Variants in SLC25A34 observed in about 807,000 individuals in gnomAD.
SLC25A34 encodes solute carrier family 25, member 34.
SLC25A34 carries 26 observed loss-of-function variants against 28.1 expected under a neutral mutation model. The observed-to-expected ratio is 0.93, with a 90% CI of 0.68 to 1.28. The LOEUF is 1.28. Among genes scored for constraint, SLC25A34 ranks in the 50% most tolerant of loss-of-function variants. The probability of loss-of-function intolerance (pLI) is 0.00; values close to 1 mark genes in which losing one functional copy is unlikely to be tolerated. For missense variants in SLC25A34, 384 were observed against 409.8 expected (o/e 0.94, Z 0.54); for synonymous variants, 182 against 182.2 (o/e 1.00, Z 0.01).
Position 15,736,709 on chromosome 1 carries a change from C to G in SLC25A34, c.224C>G (p.Ala75Gly). 1.2e-6 allele frequency: 2 copies of G among 1,609,416 alleles called. No individual in the cohort carries two copies. The highest frequency in any genetic ancestry group is 8.5e-7 in the Non-Finnish European group (1 of 1,179,132). The change falls in exon 1 of 5, where the codon GCC becomes GGC. Residue 75 changes from alanine (A) to glycine (G), a missense_variant. Ala to Gly is a moderately conservative substitution (Grantham distance 60). Coordinates refer to ENST00000294454, the MANE Select transcript of SLC25A34 (RefSeq NM_207348.3). ...GLWGLQKGLA[A>G]GLLYQGLMNG... ...TGGGGCCTGCAGAAGGGGCTGGCTGCCGGCCTTCTGTACCAAGGCCTCATG... is the reference window on the plus strand; with the variant it reads ...TGGGGCCTGCAGAAGGGGCTGGCTGGCGGCCTTCTGTACCAAGGCCTCATG...
rs563425404 is a variant in SLC25A34 at position 15,740,184 on chromosome 1, G to A, written c.*778G>A. ...TGCTTTCTCTCTGTGTCTGCACATG[G>A]TGGTCCCTCGATGTGCGTCTGGGTC... On this transcript the variant is annotated 3_prime_UTR_variant, in exon 5 of 5. Transcript: ENST00000294454. The A allele has an allele frequency of 2.6e-5, 4 of 152,246 alleles. No homozygotes were observed. In the East Asian group the frequency reaches 5.8e-4, roughly 22 times the overall value. The allele number at this position is 152,246 out of a possible 1,614,324, so 9.4% of individuals were successfully genotyped here. A position where few individuals can be genotyped will look rare whatever the true frequency, so the allele number is the denominator to read the frequency against.
At chr1:15,737,551 C>T (rs2068236073) in intron 1 of SLC25A34, among the ~76,000 whole-genome samples, 2 of 145,128 alleles carry the variant, frequency 1.4e-5, no homozygotes, top group East Asian at 2.0e-4. Flanking sequence ...GCCTGGGCAA[C>T]ACAGCAAGAC....
chr1:15,738,779 C>T (rs765105085), intron 4 of SLC25A34, 51 bp downstream of exon 4: 98 of 1,456,240 alleles, frequency 6.7e-5, no homozygotes, highest in Non-Finnish European at 8.5e-5. Flanking sequence ...GAGCACCCCC[C>T]CAACACACAC....
chr1:15,737,690 GAC>G (rs2068238243), intron 1 of SLC25A34: 1 of 557,214 alleles, frequency 1.8e-6, no homozygotes, highest in African/African-American at 1.9e-5. Context: ...TTCCAACCGT[GAC>G]AGAATTGAGG....
Position 15,736,603 on chromosome 1 carries a change from C to A in SLC25A34, c.118C>A (p.Leu40Met). 6.5e-7 allele frequency: 1 copy of A among 1,549,532 alleles called. No individual in the cohort carries two copies. Among genetic ancestry groups the A allele is most frequent in the East Asian group, 2.4e-5 (1 of 41,518 alleles). The change falls in exon 1 of 5, where the codon CTG becomes ATG. Residue 40 changes from leucine to methionine, a missense_variant. Transcript: ENST00000294454. ...VKTRLQLQGELQARGTYPRPY... is the reference protein window; with the variant it reads ...VKTRLQLQGEMQARGTYPRPY... ...GACGCGGCTGCAGCTGCAGGGGGAG[C>A]TGCAGGCCCGGGGCACCTACCCACG...
In SLC25A34 at chr1:15,736,848, G is replaced by T. The variant is rs1190456637; in HGVS notation, c.363G>T (p.Gly121=). ...CGGGGGCACTGGGAGCCTTCGTGGG[G>T]AGCCCTGCTTACCTGGTGAGTGGCT... The part of the protein sequence containing the change: ...AVAGALGAFV[G]SPAYLIKTQL... The change falls in exon 1 of 5, where the codon GGG becomes GGT. Residue 121 remains glycine (G), a synonymous_variant. Coordinates refer to ENST00000294454, the MANE Select transcript of SLC25A34 (RefSeq NM_207348.3). 1.3e-6 allele frequency: 2 copies of T among 1,572,952 alleles called. No individual in the cohort carries two copies. The highest frequency in any genetic ancestry group is 2.3e-5 in the East Asian group (1 of 44,076).
In SLC25A34 at chr1:15,736,811, CG is replaced by C; in HGVS notation, c.329del (p.Gly110GlufsTer17). The C allele has an allele frequency of 6.3e-7, 1 of 1,595,288 alleles. No homozygotes were observed. ...LTQQPGGTVV[A>X]GAVAGALGAF... ...CAGCAACCAGGTGGCACCGTGGTTGCGGGAGCCGTGGCGGGGGCACTGGGAG... is the reference window on the plus strand; with the variant it reads ...CAGCAACCAGGTGGCACCGTGGTTGCGGAGCCGTGGCGGGGGCACTGGGAG... On this transcript the variant is annotated frameshift_variant, in exon 1 of 5. Coordinates refer to ENST00000294454, the MANE Select transcript of SLC25A34 (RefSeq NM_207348.3). LOFTEE classifies it high-confidence loss of function.
intron 1 of SLC25A34, 76 bp from the exon 2 acceptor site, chr1:15,737,853 G>A: frequency 1.9e-6 from 3 of 1,539,400 alleles, no homozygotes; most frequent in Non-Finnish European, 2.7e-6. Flanking sequence ...CGGGGGCAGG[G>A]CGCCCTCAAC....
chr1:15,736,818 C>T lies in SLC25A34; in HGVS notation c.333C>T (p.Ala111=), dbSNP rs535258475. 59 of 1,593,542 alleles carry T rather than the reference C, an allele frequency of 3.7e-5. No homozygotes were observed. The highest frequency in any genetic ancestry group is 1.7e-4 in the South Asian group (15 of 89,200). Residue 111 remains alanine, a synonymous_variant, in exon 1 of 5, where the codon GCC becomes GCT. Coordinates refer to ENST00000294454, the MANE Select transcript of SLC25A34 (RefSeq NM_207348.3). ...CAGGTGGCACCGTGGTTGCGGGAGC[C>T]GTGGCGGGGGCACTGGGAGCCTTCG... ...QQPGGTVVAG[A]VAGALGAFVG... is the part of the protein sequence containing the mutation.
chr1:15,738,519 G>A, intron 3 of SLC25A34, 75 bp from the exon 4 acceptor site: 2 of 1,546,058 alleles, frequency 1.3e-6, no homozygotes, highest in African/African-American at 2.8e-5. Flanking sequence ...CCCCTGTGTG[G>A]TAGGAGGCCG....
rs1420194756 is a variant in SLC25A34 at position 15,739,239 on chromosome 1, G to A, written c.748G>A (p.Gly250Ser). 16 of 1,612,332 alleles carry A rather than the reference G, an allele frequency of 9.9e-6. No individual in the cohort carries two copies. Among genetic ancestry groups the A allele is most frequent in the African/African-American group, 2.7e-5 (2 of 74,938 alleles). ...DTAGRGQLYG[G>S]LTDCMVKIWR... is the part of the protein sequence containing the mutation. ...CTTTCCCCAGGGCCAGCTCTATGGG[G>A]GCCTCACCGACTGCATGGTGAAGAT... is the stretch of plus-strand genomic sequence containing the variant. Residue 250 changes from glycine (G) to serine (S), a missense_variant, in exon 5 of 5, where the codon GGC (glycine) becomes AGC (serine). By Grantham distance (56) the Gly-to-Ser change is moderately conservative (BLOSUM62 0). Transcript: ENST00000294454.
rs369422240 is a variant in SLC25A34 at position 15,738,001 on chromosome 1, C to T, written c.444+7C>T. On this transcript the variant is annotated splice_region_variant and intron_variant, in intron 2 of 4. Transcript: ENST00000294454. ...ACACCAGCACAATCACCAGGTGAGG[C>T]CTGCCACTCTCAGAGCTCCCTGGGG... 12 of 1,613,820 alleles carry T rather than the reference C, an allele frequency of 7.4e-6. No homozygotes were observed. The African/African-American group carries it at 1.3e-4, about 18-fold the overall frequency.
At chr1:15,737,831 G>A (rs1346125289) in intron 1 of SLC25A34, 98 bp from the exon 2 acceptor site, 2 of 1,359,654 alleles carry the variant, frequency 1.5e-6, no homozygotes, top group Non-Finnish European at 2.1e-6. Flanking sequence ...GGAGCTGTGA[G>A]TTTCAGGGGC....
Position 15,739,417 on chromosome 1 carries a change from T to A in SLC25A34, c.*11T>A. 1 of 1,498,486 alleles carries A rather than the reference T, an allele frequency of 6.7e-7. No individual in the cohort carries two copies. The highest frequency in any genetic ancestry group is 8.9e-7 in the Non-Finnish European group (1 of 1,124,374). The allele number at this position is 1,498,486 out of a possible 1,614,324, so 92.8% of individuals were successfully genotyped here. ...CACAAGGGCACCTAGACGACGGCCC[T>A]CACCCCCACGTCCTGACACGGCCGG... is the stretch of plus-strand genomic sequence containing the variant. On this transcript the variant is annotated 3_prime_UTR_variant, in exon 5 of 5. Coordinates refer to ENST00000294454, the MANE Select transcript of SLC25A34 (RefSeq NM_207348.3).
chr1:15,739,412 G>C lies in SLC25A34; in HGVS notation c.*6G>C, dbSNP rs201763026. 11 of 1,500,472 alleles carry C rather than the reference G, an allele frequency of 7.3e-6. No homozygotes were observed. The highest frequency in any genetic ancestry group is 7.1e-6 in the Non-Finnish European group (8 of 1,125,366). 92.9% of individuals were successfully genotyped at this position (1,500,472 alleles called of 1,614,324 possible). ...CCCAGCACAAGGGCACCTAGACGAC[G>C]GCCCTCACCCCCACGTCCTGACACG... On this transcript the variant is annotated 3_prime_UTR_variant, in exon 5 of 5. Coordinates refer to ENST00000294454, the MANE Select transcript of SLC25A34 (RefSeq NM_207348.3).
intron 3 of SLC25A34, 49 bp from the exon 4 acceptor site, chr1:15,738,545 G>T: frequency 6.4e-7 from 1 of 1,573,904 alleles, no homozygotes; most frequent in Non-Finnish European, 8.6e-7. Flanking sequence ...GCACGACGTG[G>T]GTGGGTAGAG....
In SLC25A34 at chr1:15,739,521, G is replaced by T; in HGVS notation, c.*115G>T. ...GCCATGGGCCCAGGCCCTGCCAGAG[G>T]TCCCGGGAGAGTGTGGACAGCTCTG... On this transcript the variant is annotated 3_prime_UTR_variant, in exon 5 of 5. Transcript: ENST00000294454. 1 of 1,282,338 alleles carries T rather than the reference G, an allele frequency of 7.8e-7. No individual in the cohort carries two copies. Among genetic ancestry groups the T allele is most frequent in the Non-Finnish European group, 1.0e-6 (1 of 966,340 alleles). The allele number at this position is 1,282,338 out of a possible 1,614,324, so 79.4% of individuals were successfully genotyped here. A position where few individuals can be genotyped will look rare whatever the true frequency, so the allele number is the denominator to read the frequency against.
intron 4 of SLC25A34, 166 bp downstream of exon 4, chr1:15,738,894 C>A: frequency 1.1e-6 from 1 of 889,266 alleles, no homozygotes; most frequent in Non-Finnish European, 1.6e-6. Context: ...GTTTGCTGAG[C>A]CCCCGGGTCC....
At position 15,737,964 on chromosome 1, in the gene SLC25A34, A is replaced by G. The variant is rs2148389428; in HGVS notation, c.414A>G (p.Ala138=). 2 of 1,613,976 alleles carry G rather than the reference A, an allele frequency of 1.2e-6. No homozygotes were observed. Among genetic ancestry groups the G allele is most frequent in the Non-Finnish European group, 1.7e-6 (2 of 1,180,026 alleles). Residue 138 remains alanine, a synonymous_variant, in exon 2 of 5, where the codon GCA becomes GCG. Transcript: ENST00000294454. ...KTQLQAQTVA[A]VAVGHQHNHQ... ...AGCTGCAAGCTCAGACAGTGGCCGC[A>G]GTGGCCGTGGGACACCAGCACAATC...
Sources: gnomAD v4.1 joint callset for allele counts (sites outside exome capture counted in the v4.1 genomes callset) on GRCh38, gnomAD v4.1.1 for gene constraint, MANE v1.5 for transcripts, NCBI Gene and HGNC (gene_info 2026-07-23, HGNC 2026-07-21) for gene names.